Variants in AGMO observed in about 807,000 individuals in gnomAD.
AGMO encodes alkylglycerol monooxygenase.
In AGMO, 75 loss-of-function variants were observed where a neutral mutation model predicts 60.2. That is an observed-to-expected ratio of 1.25 (90% CI 1.03 to 1.51). AGMO has a LOEUF of 1.51. Ranked by LOEUF, AGMO falls within the 40% of genes most tolerant of loss-of-function variation. AGMO has a pLI of 0.00. For missense variants in AGMO, 763 were observed against 525.5 expected, an observed-to-expected ratio of 1.45 and a Z score of -4.42; for synonymous variants, 261 against 177.1, an observed-to-expected ratio of 1.47 and a Z score of -3.76.
At chr7:15,150,159 C>T in the AGMO span, among the ~76,000 whole-genome samples, 1 of 151,954 alleles carries the variant, frequency 6.6e-6, no homozygotes, top group South Asian at 2.1e-4. Flanking sequence ...TTATTTTGTA[C>T]CCTGAAGCTT....
chr7:15,150,286 G>A, the AGMO span, among the ~76,000 whole-genome samples: 2 of 151,910 alleles, frequency 1.3e-5, no homozygotes, highest in African/African-American at 2.4e-5. Flanking sequence ...CTATTTGGAT[G>A]TCTTTTATTT....
intron 3 of AGMO, among the ~76,000 whole-genome samples, chr7:15,445,678 A>C (rs1170555065): frequency 6.6e-6 from 1 of 152,178 alleles, no homozygotes; most frequent in Non-Finnish European, 1.5e-5. Context: ...AGAAACATCA[A>C]ACATAAAAAA....
At chr7:15,514,019 C>G (rs920452751) in intron 3 of AGMO, among the ~76,000 whole-genome samples, 59 of 152,212 alleles carry the variant, frequency 3.9e-4, no homozygotes, top group Admixed American at 2.6e-4. Flanking sequence ...CTTTGGATCT[C>G]AATCTCTCTC....
chr7:15,254,899 C>T (rs1563056484), intron 12 of AGMO, among the ~76,000 whole-genome samples: 3 of 152,046 alleles, frequency 2.0e-5, no homozygotes, highest in South Asian at 2.1e-4. Context: ...TCGACACCTA[C>T]CATAATTGAA....
rs141062961 is a variant in AGMO at position 15,201,263 on chromosome 7, G to A, written c.*22C>T. The stretch of plus-strand genomic sequence containing the variant: ...GCGTGTGGACAACTCATTAAAAGAA[G>A]AGAATTATGTACAAATTCAGGTTAT... On this transcript the variant is annotated 3_prime_UTR_variant, in exon 13 of 13. Transcript: ENST00000342526. 5.6e-3 allele frequency: 8,699 copies of A among 1,564,158 alleles called. 36 individuals are homozygous for A. The highest frequency in any genetic ancestry group is 0.01 in the Middle Eastern group (60 of 5,796).
At chr7:15,353,165 A>T (rs995479598) in intron 12 of AGMO, among the ~76,000 whole-genome samples, 5 of 152,170 alleles carry the variant, frequency 3.3e-5, no homozygotes, top group Non-Finnish European at 7.3e-5. Flanking sequence ...TCTTAGGAGT[A>T]AATGATGTTT....
intron 3 of AGMO, among the ~76,000 whole-genome samples, chr7:15,520,721 G>C (rs1321518071): frequency 1.3e-5 from 2 of 152,152 alleles, no homozygotes; most frequent in Non-Finnish European, 2.9e-5. Context: ...AAAATTTATA[G>C]CACTAAATGC....
intron 3 of AGMO, among the ~76,000 whole-genome samples, chr7:15,432,513 A>G (rs1781283901): frequency 6.6e-6 from 1 of 151,484 alleles, no homozygotes; most frequent in South Asian, 2.1e-4. Context: ...AGATATAAGA[A>G]GGACTTAATT....
the AGMO span, among the ~76,000 whole-genome samples, chr7:15,177,679 T>C: frequency 6.6e-6 from 1 of 152,122 alleles, no homozygotes; most frequent in Admixed American, 6.6e-5. Context: ...CTCGGTAGAA[T>C]AGAAGATATT....
At chr7:15,366,632 A>G (rs1288120403) in intron 10 of AGMO, among the ~76,000 whole-genome samples, 1 of 152,080 alleles carries the variant, frequency 6.6e-6, no homozygotes, top group East Asian at 1.9e-4. Flanking sequence ...TTTCTCTAAT[A>G]TAGAAAATAT....
chr7:15,559,086 A>G (rs759344863), intron 2 of AGMO, among the ~76,000 whole-genome samples: 3 of 152,150 alleles, frequency 2.0e-5, no homozygotes, highest in Non-Finnish European at 4.4e-5. Flanking sequence ...TTCACACATT[A>G]TAATGTACTC....
the AGMO span, among the ~76,000 whole-genome samples, chr7:15,118,173 A>AACACACACACAC: frequency 7.9e-4 from 114 of 144,680 alleles, no homozygotes; most frequent in African/African-American, 2.1e-3. Context: ...ACTAAAGAGA[A>AACACACACACAC]ACACACACAC....
chr7:15,149,740 G>A, the AGMO span, among the ~76,000 whole-genome samples: 3 of 152,114 alleles, frequency 2.0e-5, no homozygotes, highest in Non-Finnish European at 4.4e-5. Flanking sequence ...TTGGAGACAG[G>A]TAGTGTCATG....
chr7:15,176,249 G>A, the AGMO span, among the ~76,000 whole-genome samples: 5 of 151,574 alleles, frequency 3.3e-5, no homozygotes, highest in Non-Finnish European at 5.9e-5. Context: ...CTGTTTCTTC[G>A]GGCTTTGTTC....
intron 10 of AGMO, among the ~76,000 whole-genome samples, chr7:15,369,408 A>G (rs551972293): frequency 6.6e-6 from 1 of 152,018 alleles, no homozygotes; most frequent in Non-Finnish European, 1.5e-5. Context: ...ATTAATCCCT[A>G]GTGTTCTCTC....
chr7:15,263,925 C>G (rs577472024), intron 12 of AGMO, among the ~76,000 whole-genome samples: 8 of 151,734 alleles, frequency 5.3e-5, no homozygotes. Flanking sequence ...ATAGGTGGGG[C>G]GTGGTGAGGG....
Position 15,200,543 on chromosome 7 carries a change from G to C in AGMO, c.*742C>G, listed in dbSNP as rs1781247587. 6.6e-6 allele frequency: 1 copy of C among 152,294 alleles called. No individual in the cohort carries two copies. Among genetic ancestry groups the C allele is most frequent in the East Asian group, 1.9e-4 (1 of 5,208 alleles). 9.4% of individuals were successfully genotyped at this position (152,294 alleles called of 1,614,324 possible). ...GAGTCTCGCTCTGTCGCCCAGGCTGGAGTGCAGTGGTGCAATCTCCACTCA... is the reference window on the plus strand; with the variant it reads ...GAGTCTCGCTCTGTCGCCCAGGCTGCAGTGCAGTGGTGCAATCTCCACTCA... On this transcript the variant is annotated 3_prime_UTR_variant, in exon 13 of 13. Coordinates refer to ENST00000342526, the MANE Select transcript of AGMO (RefSeq NM_001004320.2).
chr7:15,193,245 T>TTTG, the AGMO span, among the ~76,000 whole-genome samples: 28 of 151,488 alleles, frequency 1.8e-4, no homozygotes, highest in African/African-American at 6.8e-4. Context: ...TGTATGATAT[T>TTTG]TTCTAATTTT....
chr7:15,354,424 ACACACG>A lies in AGMO; in HGVS notation c.1263+11084_1263+11089del, dbSNP rs1563105500. On this transcript the variant is annotated intron_variant, in intron 12 of 12. Coordinates refer to ENST00000342526, the MANE Select transcript of AGMO (RefSeq NM_001004320.2). Reference sequence around the variant, plus strand: ...TGTGTGTACACACGTGTGTGTATACACACACGTGTGTGTATACACACGTGTGTGTAT... The same window carrying A: ...TGTGTGTACACACGTGTGTGTATACATGTGTGTATACACACGTGTGTGTAT... Among the ~76,000 whole-genome samples, 3 of 20,262 alleles carry A rather than the reference ACACACG, an allele frequency of 1.5e-4. 1 individual carries two copies. In the African/African-American group the frequency reaches 1.8e-3, roughly 12 times the overall value. The allele number at this position is 20,262 out of a possible 152,430, so 13.3% of individuals were successfully genotyped here.
Sources: gnomAD v4.1 joint callset for allele counts (sites outside exome capture counted in the v4.1 genomes callset) on GRCh38, gnomAD v4.1.1 for gene constraint, MANE v1.5 for transcripts, NCBI Gene and HGNC (gene_info 2026-07-23, HGNC 2026-07-21) for gene names.